CAMTA1: variants seen among roughly 807,000 people sequenced by gnomAD.
The protein encoded by CAMTA1 is calmodulin-binding transcription activator 1.
A neutral mutation model predicts 170.9 loss-of-function variants in CAMTA1; 27 were observed. The ratio of observed to expected loss-of-function variants is 0.16; its 90% confidence interval spans 0.12 to 0.22. The LOEUF is 0.22. Ranked by LOEUF, CAMTA1 falls within the 10% of genes least tolerant of loss-of-function variation. CAMTA1 has a pLI of 1.00. For missense variants in CAMTA1, 1,619 were observed against 2,217.2 expected, an observed-to-expected ratio of 0.73 and a Z score of 5.42; for synonymous variants, 833 against 891.5, an observed-to-expected ratio of 0.93 and a Z score of 1.17.
At chr1:7,198,548 A>AC (rs962525755) in intron 4 of CAMTA1, among the ~76,000 whole-genome samples, 1 of 151,048 alleles carries the variant, frequency 6.6e-6, no homozygotes, top group African/African-American at 2.4e-5. Context: ...ACCCTGAGAA[A>AC]CCCCCAGGAC....
rs2095512058 is a variant in CAMTA1, at chr1:7,609,882, T to C, written c.511-30518T>C. On this transcript the variant is annotated intron_variant, in intron 6 of 22. Coordinates refer to ENST00000303635, the MANE Select transcript of CAMTA1 (RefSeq NM_015215.4). The surrounding 1 kb of genome is among the most constrained non-coding windows in gnomAD (Gnocchi z 4.4). ...AAACATGGAAGCTCGGATTATTATG[T>C]ACTGCTCTTACTTCACCTCTCCTGG... Among the ~76,000 whole-genome samples the C allele has an allele frequency of 6.6e-6, 1 of 152,204 alleles. No homozygotes were observed. Among genetic ancestry groups the C allele is most frequent in the South Asian group, 2.1e-4 (1 of 4,832 alleles).
At position 7,132,073 on chromosome 1, in the gene CAMTA1, GCA is replaced by G. The variant is rs980066613; in HGVS notation, c.302+40710_302+40711del. Among the ~76,000 whole-genome samples the G allele has an allele frequency of 1.1e-4, 15 of 142,104 alleles. No homozygotes were observed. The East Asian group carries it at 2.4e-3, about 23-fold the overall frequency. The allele number at this position is 142,104 out of a possible 152,430, so 93.2% of individuals were successfully genotyped here. On this transcript the variant is annotated intron_variant, in intron 4 of 22. Transcript: ENST00000303635. The stretch of plus-strand genomic sequence containing the variant: ...TACACACACACACACACACACACAC[GCA>G]CACACACTCCAATTTTGTTCATTTT...
chr1:7,163,425 C>G (rs1479086778), intron 4 of CAMTA1, among the ~76,000 whole-genome samples: 1 of 151,974 alleles, frequency 6.6e-6, no homozygotes, highest in Admixed American at 6.6e-5. Context: ...GAGAGTGACC[C>G]AGGCCTGGCA....
chr1:7,551,979 T>G (rs1488811849), intron 6 of CAMTA1, among the ~76,000 whole-genome samples: 1 of 152,188 alleles, frequency 6.6e-6, no homozygotes, highest in Non-Finnish European at 1.5e-5. Context: ...AATCCTCTCA[T>G]TTAATCCTCA....
At chr1:6,987,281 G>T (rs151280382) in intron 3 of CAMTA1, among the ~76,000 whole-genome samples, 2,390 of 152,008 alleles carry the variant, frequency 0.016, 34 homozygotes, top group African/African-American at 0.035. Flanking sequence ...TTCTGCCTCA[G>T]CCTCCCAAGT....
chr1:6,984,071 T>A (rs1694911306), intron 3 of CAMTA1, among the ~76,000 whole-genome samples: 2 of 288 alleles, frequency 6.9e-3, no homozygotes, highest in South Asian at 0.1. Flanking sequence ...GGTGGGTGGA[T>A]GGGTGGATAG....
rs773396302 is a variant in CAMTA1, at chr1:7,663,735, C to A, written c.1188C>A (p.Ser396Arg). 1.2e-6 allele frequency: 2 copies of A among 1,613,948 alleles called. No individual in the cohort carries two copies. Among genetic ancestry groups the A allele is most frequent in the Admixed American group, 3.3e-5 (2 of 60,012 alleles). Residue 396 changes from serine (S) to arginine (R), a missense_variant, in exon 9 of 23, where the codon AGC becomes AGA. Around this residue, in one of 8 missense-constraint regions of CAMTA1, gnomAD observed 731 missense variants for 907.6 expected, o/e 0.81. Transcript: ENST00000303635. ...CTGTGATGGGGAGCTTGTCCCAGAG[C>A]GCCACGGTGTTCATGTCAGAGGTCA... ...VASVMGSLSQ[S>R]ATVFMSEVTN...
At chr1:6,892,141 T>C (rs1192340353) in intron 3 of CAMTA1, among the ~76,000 whole-genome samples, 3 of 152,246 alleles carry the variant, frequency 2.0e-5, no homozygotes, top group African/African-American at 4.8e-5. Flanking sequence ...TAATCATTCT[T>C]TAAAGTCTAG....
intron 5 of CAMTA1, among the ~76,000 whole-genome samples, chr1:7,253,793 TG>T (rs2149322107): frequency 6.6e-6 from 1 of 152,234 alleles, no homozygotes; most frequent in South Asian, 2.1e-4. Flanking sequence ...GGTACTCGGG[TG>T]GGGCCTGTAG....
intron 3 of CAMTA1, among the ~76,000 whole-genome samples, chr1:6,855,046 A>G (rs2148841682): frequency 6.6e-6 from 1 of 152,294 alleles, no homozygotes; most frequent in East Asian, 1.9e-4. Flanking sequence ...GGGATGAGAA[A>G]GGGAAGAATA....
At chr1:7,529,153 T>C (rs2094463076) in intron 6 of CAMTA1, among the ~76,000 whole-genome samples, 1 of 152,114 alleles carries the variant, frequency 6.6e-6, no homozygotes, top group Admixed American at 6.5e-5. Context: ...ATAAAACTCA[T>C]AGAAAGGTCA....
At chr1:7,343,915 G>A (rs893604479) in intron 5 of CAMTA1, among the ~76,000 whole-genome samples, 4 of 152,180 alleles carry the variant, frequency 2.6e-5, no homozygotes, top group Non-Finnish European at 4.4e-5. Context: ...TCCCCCGTGG[G>A]TCTCTACCAC....
intron 3 of CAMTA1, among the ~76,000 whole-genome samples, chr1:6,995,295 C>CTTTTCTTTTTTTT (rs1697047615): frequency 4.9e-5 from 3 of 60,622 alleles, no homozygotes; most frequent in South Asian, 7.9e-4. Flanking sequence ...TTTTTCTTTT[C>CTTTTCTTTTTTTT]TTTTTTTTTT....
At chr1:6,878,191 G>A (rs954352929) in intron 3 of CAMTA1, among the ~76,000 whole-genome samples, 1 of 152,238 alleles carries the variant, frequency 6.6e-6, no homozygotes, top group Non-Finnish European at 1.5e-5. Flanking sequence ...GTACACCAAA[G>A]GGAATAGGTT....
At chr1:7,280,706 C>G (rs1671384584) in intron 5 of CAMTA1, among the ~76,000 whole-genome samples, 1 of 152,240 alleles carries the variant, frequency 6.6e-6, no homozygotes, top group African/African-American at 2.4e-5. Flanking sequence ...GATTGTAATT[C>G]AAATTCCATT....
At chr1:7,221,385 GTC>G (rs1330517560) in intron 4 of CAMTA1, among the ~76,000 whole-genome samples, 4 of 152,018 alleles carry the variant, frequency 2.6e-5, no homozygotes, top group Non-Finnish European at 5.9e-5. Flanking sequence ...CACACCCAGA[GTC>G]TTGCCTTCGG....
chr1:7,422,696 T>A (rs1475934725), intron 5 of CAMTA1, among the ~76,000 whole-genome samples: 3 of 152,158 alleles, frequency 2.0e-5, no homozygotes, highest in Admixed American at 2.0e-4. Flanking sequence ...GGGGCCAGGC[T>A]GTGAACGCTG....
rs934690885 is a variant in CAMTA1, at chr1:6,791,059, A to T, written c.45+5484A>T. Among the ~76,000 whole-genome samples, 43 of 147,478 alleles carry T rather than the reference A, an allele frequency of 2.9e-4. 1 individual carries two copies. Among genetic ancestry groups the T allele is most frequent in the African/African-American group, 1.1e-3 (43 of 40,080 alleles). ...TGTGTGTTTCTTTTGCATTTCCATT[A>T]TACAGATCTTTTCCTAAGGTGGTGT... On this transcript the variant is annotated intron_variant, in intron 1 of 22. Coordinates refer to ENST00000303635, the MANE Select transcript of CAMTA1 (RefSeq NM_015215.4).
chr1:7,238,484 C>T (rs189002462), intron 4 of CAMTA1, among the ~76,000 whole-genome samples: 28 of 152,354 alleles, frequency 1.8e-4, no homozygotes, highest in African/African-American at 6.5e-4. Flanking sequence ...GACCAAGACT[C>T]GCTGCAGAGC....
Sources: allele counts gnomAD v4.1 joint callset (sites outside exome capture counted in the v4.1 genomes callset), GRCh38; gene constraint gnomAD v4.1.1; regional missense constraint gnomAD v4.1.1; non-coding constraint Gnocchi (gnomAD v3.1); transcripts MANE v1.5; gene names NCBI Gene and HGNC (gene_info 2026-07-23, HGNC 2026-07-21).